Variants in STXBP3 observed in about 807,000 individuals in gnomAD.
STXBP3 encodes the protein syntaxin binding protein 3, also known as syntaxin-binding protein 3.
Under a neutral mutation model 85.7 loss-of-function variants are expected in STXBP3, and 41 were observed. The ratio of observed to expected loss-of-function variants is 0.48; its 90% CI spans 0.37 to 0.62. STXBP3 has a LOEUF of 0.62. Among genes scored for constraint, STXBP3 ranks in the 20% least tolerant of loss-of-function variants. STXBP3 has a pLI of 0.00. For synonymous variants in STXBP3, 229 were observed against 231.7 expected (o/e 0.99, Z 0.10); for missense variants, 563 against 703.1 (o/e 0.80, Z 2.25).
At chr1:108,795,197 C>A (rs1663064071) in intron 13 of STXBP3, among the ~76,000 whole-genome samples, 1 of 151,962 alleles carries the variant, frequency 6.6e-6, no homozygotes, top group South Asian at 2.1e-4. Context: ...ATTGGCAGGA[C>A]CTTCTCAGTA....
chr1:108,769,430 A>G (rs1662335722), intron 6 of STXBP3, among the ~76,000 whole-genome samples: 1 of 152,204 alleles, frequency 6.6e-6, no homozygotes, highest in Non-Finnish European at 1.5e-5. Flanking sequence ...AAAGCATTCA[A>G]GAATATGAGG....
At chr1:108,747,149 A>ACTCTTCTCCGCTCCCGTCCGCGCTCCG (rs1557797309) in intron 1 of STXBP3, among the ~76,000 whole-genome samples, 4 of 22,062 alleles carry the variant, frequency 1.8e-4, no homozygotes, top group African/African-American at 6.1e-4. Flanking sequence ...TCCGCGCTCC[A>ACTCTTCTCCGCTCCCGTCCGCGCTCCG]CCAGTTGGGG....
At chr1:108,761,142 G>A (rs904478099) in intron 6 of STXBP3, among the ~76,000 whole-genome samples, 3 of 152,170 alleles carry the variant, frequency 2.0e-5, no homozygotes, top group Admixed American at 6.5e-5. Flanking sequence ...CTGACCTCAG[G>A]TGATCCAGTA....
intron 6 of STXBP3, among the ~76,000 whole-genome samples, chr1:108,765,041 G>A (rs923389131): frequency 2.0e-5 from 3 of 152,090 alleles, no homozygotes; most frequent in Admixed American, 6.6e-5. Context: ...AATCCATCTC[G>A]AGTTGATTTT....
In STXBP3 at chr1:108,798,235, G is replaced by A; in HGVS notation, c.1447G>A (p.Glu483Lys). ...RWTPFIKDIM[E>K]DAIDNRLDSK... ...GACACCTTTTATCAAAGATATTATG[G>A]AGGTAAAAATCATTAAAATGTTTTT... The change falls in exon 16 of 19, where the codon GAG becomes AAG. Residue 483 changes from glutamate (E) to lysine (K), a missense_variant and splice_region_variant. By Grantham distance (56) the Glu-to-Lys change is moderately conservative. Transcript: ENST00000370008. 1 of 1,605,612 alleles carries A rather than the reference G, an allele frequency of 6.2e-7. No individual in the cohort carries two copies.
intron 6 of STXBP3, among the ~76,000 whole-genome samples, chr1:108,772,463 A>G (rs1011613466): frequency 7.0e-6 from 1 of 141,848 alleles, no homozygotes; most frequent in African/African-American, 2.5e-5. Flanking sequence ...ATAAATACAT[A>G]TATCTATCTG....
intron 17 of STXBP3, among the ~76,000 whole-genome samples, chr1:108,802,752 T>C (rs752884828): frequency 2.6e-5 from 4 of 152,246 alleles, no homozygotes; most frequent in Non-Finnish European, 5.9e-5. Context: ...ATATACTTGT[T>C]TTCTTAGAGG....
intron 6 of STXBP3, among the ~76,000 whole-genome samples, chr1:108,768,367 T>G (rs181236845): frequency 1.6e-3 from 241 of 152,298 alleles, no homozygotes; most frequent in African/African-American, 5.1e-3. Context: ...CCCAAAGTGC[T>G]GGGATTACAG....
At chr1:108,761,218 T>A (rs1005180483) in intron 6 of STXBP3, among the ~76,000 whole-genome samples, 3 of 152,090 alleles carry the variant, frequency 2.0e-5, no homozygotes, top group African/African-American at 7.2e-5. Context: ...TACTGCTGTT[T>A]TTGACAAAGA....
intron 2 of STXBP3, 53 bp from the exon 3 acceptor site, chr1:108,753,010 C>A: frequency 1.4e-6 from 2 of 1,397,782 alleles, no homozygotes; most frequent in Non-Finnish European, 1.9e-6. Flanking sequence ...TTCTTTTTTT[C>A]ATTCTTGGTA....
intron 11 of STXBP3, among the ~76,000 whole-genome samples, chr1:108,783,111 A>G (rs1662750354): frequency 6.6e-6 from 1 of 152,208 alleles, no homozygotes; most frequent in Non-Finnish European, 1.5e-5. Flanking sequence ...GCTGGTCTCA[A>G]ACTCCTGGCC....
At chr1:108,794,629 G>A (rs1401428347) in intron 12 of STXBP3, among the ~76,000 whole-genome samples, 198 bp from the exon 13 acceptor site, 1 of 152,178 alleles carries the variant, frequency 6.6e-6, no homozygotes, top group Non-Finnish European at 1.5e-5. Context: ...TGAGATTTAG[G>A]TGGGGACATA....
intron 11 of STXBP3, among the ~76,000 whole-genome samples, chr1:108,788,158 CT>C (rs1038015962): frequency 7.9e-5 from 12 of 152,076 alleles, no homozygotes; most frequent in Non-Finnish European, 1.6e-4. Context: ...TTGATATTGT[CT>C]TTTTTTCCCC....
intron 17 of STXBP3, among the ~76,000 whole-genome samples, chr1:108,803,059 G>A (rs545944381): frequency 6.6e-6 from 1 of 152,282 alleles, no homozygotes; most frequent in Admixed American, 6.5e-5. Context: ...GTACTTTTAC[G>A]TATATCTGGA....
chr1:108,765,326 G>C (rs925330841), intron 6 of STXBP3, among the ~76,000 whole-genome samples: 1 of 152,194 alleles, frequency 6.6e-6, no homozygotes, highest in African/African-American at 2.4e-5. Flanking sequence ...AAAACAAACA[G>C]GAGCCTCCAT....
intron 6 of STXBP3, among the ~76,000 whole-genome samples, chr1:108,770,354 T>G (rs917229651): frequency 2.0e-5 from 3 of 151,708 alleles, no homozygotes; most frequent in Admixed American, 2.0e-4. Flanking sequence ...TATCAGTGAG[T>G]GGGAGGGAGA....
At chr1:108,767,883 C>T (rs989074404) in intron 6 of STXBP3, among the ~76,000 whole-genome samples, 2 of 152,012 alleles carry the variant, frequency 1.3e-5, no homozygotes, top group Non-Finnish European at 2.9e-5. Context: ...CACTCCCAGC[C>T]ATACTGTAGA....
intron 17 of STXBP3, among the ~76,000 whole-genome samples, chr1:108,803,234 C>T (rs1241681864): frequency 1.3e-5 from 2 of 152,218 alleles, no homozygotes; most frequent in Non-Finnish European, 2.9e-5. Flanking sequence ...TCTCTGCCCT[C>T]CTCTTGAACA....
intron 18 of STXBP3, among the ~76,000 whole-genome samples, chr1:108,807,824 G>A (rs775847113): frequency 3.4e-4 from 51 of 152,062 alleles, no homozygotes; most frequent in Non-Finnish European, 7.4e-4. Context: ...TGATCCGCCC[G>A]CCTCGGCCTC....
Sources: allele counts gnomAD v4.1 joint callset (sites outside exome capture counted in the v4.1 genomes callset), GRCh38; gene constraint gnomAD v4.1.1; transcripts MANE v1.5; gene names NCBI Gene and HGNC (gene_info 2026-07-23, HGNC 2026-07-21).